Variants in AGBL4 observed in about 807,000 individuals in gnomAD.
The protein encoded by AGBL4 is cytosolic carboxypeptidase 6.
A neutral mutation model predicts 66.4 loss-of-function variants in AGBL4; 58 were observed. The ratio of observed to expected loss-of-function variants is 0.87; its 90% CI spans 0.71 to 1.09. The LOEUF (loss-of-function observed/expected upper bound fraction) is 1.09, where lower values mean the gene tolerates loss of function less well. Among genes scored for constraint, AGBL4 ranks in the 50% least tolerant of loss-of-function variants. AGBL4 has a pLI of 0.00. For synonymous variants in AGBL4, 234 were observed against 222.9 expected (o/e 1.05, Z -0.44); for missense variants, 579 against 631.0 (o/e 0.92, Z 0.88).
In AGBL4 at chr1:49,206,709, A is replaced by G. The variant is rs144782512; in HGVS notation, c.377+39061T>C. Among the ~76,000 whole-genome samples the G allele has an allele frequency of 7.2e-5, 11 of 152,234 alleles. No individual in the cohort carries two copies. The East Asian group carries it at 1.9e-3, about 27-fold the overall frequency. On this transcript the variant is annotated intron_variant, in intron 4 of 13. Transcript: ENST00000371839. Reference sequence around the variant, plus strand: ...ACCTGCGTCACTGACAAAAAAATCAAGTAAAGGAGTATCAGCATAGAGATG... The same window carrying G: ...ACCTGCGTCACTGACAAAAAAATCAGGTAAAGGAGTATCAGCATAGAGATG...
intron 3 of AGBL4, among the ~76,000 whole-genome samples, chr1:49,451,707 CTT>C (rs1216264856): frequency 6.6e-6 from 1 of 151,892 alleles, no homozygotes; most frequent in Non-Finnish European, 1.5e-5. Flanking sequence ...AATTGTATTC[CTT>C]TATGGACTAG....
chr1:48,912,939 A>G (rs1653267256), intron 5 of AGBL4, among the ~76,000 whole-genome samples: 1 of 152,144 alleles, frequency 6.6e-6, no homozygotes. Context: ...TAGCATATAA[A>G]CTTAATTCTG....
chr1:49,336,967 G>GGATAT (rs1645450170), intron 3 of AGBL4, among the ~76,000 whole-genome samples: 1 of 152,120 alleles, frequency 6.6e-6, no homozygotes. Context: ...GGTGCTCAGA[G>GGATAT]GATATGACTC....
chr1:48,913,319 G>A (rs1187864981), intron 5 of AGBL4, among the ~76,000 whole-genome samples: 1 of 152,166 alleles, frequency 6.6e-6, no homozygotes, highest in Non-Finnish European at 1.5e-5. Flanking sequence ...GAGGATGGGG[G>A]AGTGAGAGGA....
At chr1:48,803,692 A>C (rs1405957814) in intron 6 of AGBL4, among the ~76,000 whole-genome samples, 1 of 152,214 alleles carries the variant, frequency 6.6e-6, no homozygotes, top group Non-Finnish European at 1.5e-5. Flanking sequence ...TCATTAGACA[A>C]AACTGGGTTA....
chr1:49,667,014 C>T (rs991987724), intron 3 of AGBL4, among the ~76,000 whole-genome samples: 2 of 152,098 alleles, frequency 1.3e-5, no homozygotes, highest in Admixed American at 6.6e-5. Context: ...TAATATGCTT[C>T]GTGACCTCAG....
chr1:48,638,846 T>C (rs1645710059), intron 8 of AGBL4, among the ~76,000 whole-genome samples: 1 of 152,238 alleles, frequency 6.6e-6, no homozygotes. Context: ...CTAAGCATTT[T>C]CCTGTCTCAT....
the AGBL4 span, among the ~76,000 whole-genome samples, chr1:48,524,441 G>A: frequency 6.6e-6 from 1 of 152,214 alleles, no homozygotes; most frequent in East Asian, 1.9e-4. Context: ...CAGAGGGACT[G>A]GCTTGGCTGA....
At chr1:49,690,325 A>T (rs1646863621) in intron 3 of AGBL4, among the ~76,000 whole-genome samples, 1 of 152,150 alleles carries the variant, frequency 6.6e-6, no homozygotes, top group Non-Finnish European at 1.5e-5. Context: ...TCTCTGAAGT[A>T]TGCCTGTATG....
chr1:49,738,299 C>G (rs905813494), intron 2 of AGBL4, among the ~76,000 whole-genome samples: 2 of 152,324 alleles, frequency 1.3e-5, no homozygotes, highest in African/African-American at 2.4e-5. Context: ...CACGGAGCCC[C>G]GCTCATTGCT....
At chr1:48,921,951 T>G (rs1233894548) in intron 5 of AGBL4, among the ~76,000 whole-genome samples, 3 of 152,210 alleles carry the variant, frequency 2.0e-5, no homozygotes, top group African/African-American at 7.2e-5. Flanking sequence ...GTTAAAACAA[T>G]ATACGTGGAA....
chr1:48,892,888 G>A (rs1284470198), intron 5 of AGBL4, among the ~76,000 whole-genome samples: 3 of 152,184 alleles, frequency 2.0e-5, no homozygotes, highest in Non-Finnish European at 2.9e-5. Flanking sequence ...TTTCTGGTTA[G>A]ACCATCTTTC....
intron 2 of AGBL4, among the ~76,000 whole-genome samples, chr1:49,740,253 G>C (rs933382370): frequency 6.6e-6 from 1 of 152,100 alleles, no homozygotes; most frequent in Non-Finnish European, 1.5e-5. Flanking sequence ...TGCAATCCTA[G>C]TCTCTGATAA....
At chr1:49,359,051 G>A (rs1644080958) in intron 3 of AGBL4, among the ~76,000 whole-genome samples, 1 of 152,222 alleles carries the variant, frequency 6.6e-6, no homozygotes, top group East Asian at 1.9e-4. Flanking sequence ...TGAGCACCAT[G>A]TGTGCGTACA....
intron 3 of AGBL4, among the ~76,000 whole-genome samples, chr1:49,496,537 C>T (rs752407368): frequency 1.3e-5 from 2 of 148,286 alleles, no homozygotes; most frequent in Non-Finnish European, 3.0e-5. Context: ...CCCCACCCCA[C>T]CCAAGCCCCT....
At chr1:49,412,395 T>C (rs544327391) in intron 3 of AGBL4, among the ~76,000 whole-genome samples, 1 of 152,018 alleles carries the variant, frequency 6.6e-6, no homozygotes, top group Non-Finnish European at 1.5e-5. Flanking sequence ...GATTAGTGAG[T>C]CTCCAGCCTC....
intron 2 of AGBL4, among the ~76,000 whole-genome samples, chr1:49,704,389 T>C (rs191431044): frequency 3.0e-4 from 45 of 152,156 alleles, no homozygotes; most frequent in African/African-American, 1.1e-3. Context: ...GGTAAGTATT[T>C]TAATGAGTAA....
intron 1 of AGBL4, among the ~76,000 whole-genome samples, chr1:49,984,973 C>T (rs1659374945): frequency 6.6e-6 from 1 of 152,098 alleles, no homozygotes; most frequent in Non-Finnish European, 1.5e-5. Context: ...GAGAAGTCAT[C>T]GGATAAGGCA....
chr1:48,762,148 C>T (rs941260069), intron 6 of AGBL4, among the ~76,000 whole-genome samples: 4 of 152,166 alleles, frequency 2.6e-5, no homozygotes, highest in African/African-American at 7.2e-5. Flanking sequence ...GGCTTGCCCA[C>T]GGCATGAGTC....
Sources: allele counts gnomAD v4.1 joint callset (sites outside exome capture counted in the v4.1 genomes callset), GRCh38; gene constraint gnomAD v4.1.1; transcripts MANE v1.5; gene names NCBI Gene and HGNC (gene_info 2026-07-23, HGNC 2026-07-21).